Variants in MIB1 observed in about 807,000 individuals in gnomAD.
MIB1 encodes the protein MIB E3 ubiquitin protein ligase 1, also known as E3 ubiquitin-protein ligase MIB1.
MIB1 carries 278 observed loss-of-function variants against 124.5 expected under a neutral mutation model. The ratio of observed to expected loss-of-function variants is 2.23; its 90% CI spans 2.02 to 2.47. The LOEUF is 2.47. MIB1 is among the 30% of genes most tolerant of loss of function. The probability of loss-of-function intolerance (pLI) is 0.00; values close to 1 mark genes in which losing one functional copy is unlikely to be tolerated. For synonymous variants in MIB1, 446 were observed against 429.4 expected, an observed-to-expected ratio of 1.04 and a Z score of -0.48; for missense variants, 957 against 1,254.4, an observed-to-expected ratio of 0.76 and a Z score of 3.58.
At chr18:21,847,364 C>G (rs1304620495) in intron 16 of MIB1, among the ~76,000 whole-genome samples, 1 of 152,066 alleles carries the variant, frequency 6.6e-6, no homozygotes, top group African/African-American at 2.4e-5. Context: ...TTAATAAGTT[C>G]TGAGAAACTT....
At chr18:21,723,568 T>A (rs985572079) in intron 1 of MIB1, among the ~76,000 whole-genome samples, 1 of 152,070 alleles carries the variant, frequency 6.6e-6, no homozygotes, top group Admixed American at 6.6e-5. Context: ...CAGGCTGAAG[T>A]GCAGTGGTGC....
intron 1 of MIB1, among the ~76,000 whole-genome samples, chr18:21,719,282 G>A (rs1378045312): frequency 1.3e-5 from 2 of 152,060 alleles, no homozygotes; most frequent in Non-Finnish European, 2.9e-5. Context: ...GCTGCAGTGA[G>A]CTATGATTAT....
chr18:21,777,677 C>G (rs940306951), intron 4 of MIB1, among the ~76,000 whole-genome samples: 1 of 152,114 alleles, frequency 6.6e-6, no homozygotes, highest in Non-Finnish European at 1.5e-5. Flanking sequence ...GCCTCCACCT[C>G]CTGAGCATCT....
At chr18:21,762,346 A>T (rs2041107781) in intron 1 of MIB1, among the ~76,000 whole-genome samples, 1 of 152,222 alleles carries the variant, frequency 6.6e-6, no homozygotes, top group Admixed American at 6.5e-5. Flanking sequence ...AAAATATGGG[A>T]CTATTATTAT....
In MIB1 at chr18:21,858,583, TA is replaced by T. The variant is rs777311764; in HGVS notation, c.2819del (p.Asn940IlefsTer28). ...TTCCAGTATTACAAAAGGACAAGGA[TA>T]ATACCAATGTCAATGCAGATGTGCA... ...NIPVLQKDKD[N>X]TNVNADVQKL... On this transcript the variant is annotated frameshift_variant, in exon 20 of 21. Coordinates refer to ENST00000261537, the MANE Select transcript of MIB1 (RefSeq NM_020774.4). LOFTEE classifies it high-confidence loss of function. 6.3e-7 allele frequency: 1 copy of T among 1,599,192 alleles called. No individual in the cohort carries two copies. The highest frequency in any genetic ancestry group is 8.6e-7 in the Non-Finnish European group (1 of 1,167,048).
At chr18:21,763,377 A>G (rs1283642224) in intron 1 of MIB1, among the ~76,000 whole-genome samples, 1 of 152,090 alleles carries the variant, frequency 6.6e-6, no homozygotes, top group African/African-American at 2.4e-5. Context: ...CTCTGGCTGT[A>G]TTGCATGTTT....
At chr18:21,800,603 G>T (rs911815932) in intron 9 of MIB1, among the ~76,000 whole-genome samples, 2 of 152,050 alleles carry the variant, frequency 1.3e-5, no homozygotes, top group African/African-American at 4.8e-5. Flanking sequence ...CCAGTATTAC[G>T]TTCGGTGTCA....
intron 12 of MIB1, chr18:21,829,203 C>T (rs185824889): frequency 4.6e-5 from 15 of 322,826 alleles, no homozygotes; most frequent in Non-Finnish European, 5.4e-5. Flanking sequence ...ACTAATTTAT[C>T]GAAGACTAAA....
intron 1 of MIB1, among the ~76,000 whole-genome samples, chr18:21,748,394 C>CCTCCCTCTCTCCCCCCTCCCTCT (rs2040935500): frequency 8.8e-6 from 1 of 113,418 alleles, no homozygotes; most frequent in African/African-American, 3.3e-5. Context: ...CTCTCTCCCC[C>CCTCCCTCTCTCCCCCCTCCCTCT]CTCCCTCTCT....
At chr18:21,863,482 G>T (rs759893955) in intron 20 of MIB1, among the ~76,000 whole-genome samples, 5 of 150,978 alleles carry the variant, frequency 3.3e-5, no homozygotes, top group Non-Finnish European at 7.4e-5. Context: ...GAACTGGAGT[G>T]GGGGTGGGAC....
At chr18:21,721,266 C>G (rs1407010371) in intron 1 of MIB1, among the ~76,000 whole-genome samples, 1 of 135,252 alleles carries the variant, frequency 7.4e-6, no homozygotes, top group African/African-American at 2.7e-5. Flanking sequence ...CTGCAATATC[C>G]GCCTCCCAGA....
chr18:21,859,886 CA>C (rs934260189), intron 20 of MIB1, among the ~76,000 whole-genome samples: 1,615 of 28,370 alleles, frequency 0.057, 2 homozygotes, highest in African/African-American at 0.19. Flanking sequence ...GAGACTGTCT[CA>C]AAAAAAAAAA....
At position 21,762,124 on chromosome 18, in the gene MIB1, C is replaced by G. The variant is rs147023225; in HGVS notation, c.230-3648C>G. Among the ~76,000 whole-genome samples, 126 of 152,216 alleles carry G rather than the reference C, an allele frequency of 8.3e-4. No homozygotes were observed. The Middle Eastern group carries it at 0.01, about 12-fold the overall frequency. On this transcript the variant is annotated intron_variant, in intron 1 of 20. Coordinates refer to ENST00000261537, the MANE Select transcript of MIB1 (RefSeq NM_020774.4). ...CTCAAATTGGCACAGATTAAAAATACTACTTCAGTGCATGTTAAAGATGTG... is the reference window on the plus strand; with the variant it reads ...CTCAAATTGGCACAGATTAAAAATAGTACTTCAGTGCATGTTAAAGATGTG...
rs1465462489 is a variant in MIB1, at chr18:21,866,037, G to A, written c.*1371G>A. On this transcript the variant is annotated 3_prime_UTR_variant, in exon 21 of 21. Coordinates refer to ENST00000261537, the MANE Select transcript of MIB1 (RefSeq NM_020774.4). ...TCATTGCTGCTAGATTATATCAGGT[G>A]TTTACATAGTGTCTACTATATGCTG... is the stretch of plus-strand genomic sequence containing the variant. 6.6e-6 allele frequency: 1 copy of A among 152,120 alleles called. No individual in the cohort carries two copies. Among genetic ancestry groups the A allele is most frequent in the Admixed American group, 6.5e-5 (1 of 15,268 alleles). 9.4% of individuals were successfully genotyped at this position (152,120 alleles called of 1,614,324 possible).
chr18:21,841,898 A>G (rs777247159), intron 13 of MIB1, among the ~76,000 whole-genome samples: 2 of 152,122 alleles, frequency 1.3e-5, no homozygotes, highest in East Asian at 1.9e-4. Context: ...TGAAATGTCA[A>G]TGATGGAAAA....
chr18:21,736,506 G>C (rs1179663763), upstream of MIB1, among the ~76,000 whole-genome samples: 5 of 152,292 alleles, frequency 3.3e-5, no homozygotes, highest in South Asian at 8.3e-4. Context: ...AAACTGGATG[G>C]AGAATGAGTT....
intron 1 of MIB1, among the ~76,000 whole-genome samples, chr18:21,743,068 C>T (rs559042053): frequency 9.2e-4 from 140 of 152,304 alleles, no homozygotes; most frequent in Middle Eastern, 6.8e-3. Context: ...AGGAGTCAGC[C>T]ACAAGGCCAG....
At chr18:21,839,883 C>T (rs895803574) in intron 13 of MIB1, among the ~76,000 whole-genome samples, 7 of 152,036 alleles carry the variant, frequency 4.6e-5, no homozygotes, top group South Asian at 2.1e-4. Flanking sequence ...CAGCTTTTTG[C>T]GGATGTTATT....
chr18:21,860,098 CTTTTTTTTTTT>C (rs398032096), intron 20 of MIB1, among the ~76,000 whole-genome samples: 14 of 26,462 alleles, frequency 5.3e-4, no homozygotes, highest in Admixed American at 2.2e-3. Context: ...TTCTTTATGT[CTTTTTTTTTTT>C]TTTTTTTTTT....
Sources: allele counts gnomAD v4.1 joint callset (sites outside exome capture counted in the v4.1 genomes callset), GRCh38; gene constraint gnomAD v4.1.1; transcripts MANE v1.5; gene names NCBI Gene and HGNC (gene_info 2026-07-23, HGNC 2026-07-21).